The following NELL1 variants were observed in gnomAD, a reference collection of about 807,000 sequenced individuals.
NELL1 encodes neural EGFL like 1.
A neutral mutation model predicts 107.4 loss-of-function variants in NELL1; 76 were observed. The observed-to-expected ratio is 0.71, with a 90% CI of 0.59 to 0.86. NELL1 has a LOEUF of 0.86. Among genes scored for constraint, NELL1 ranks in the 40% least tolerant of loss-of-function variants. The pLI is 0.00. For missense variants in NELL1, 1,024 were observed against 1,005.5 expected (o/e 1.02, Z -0.25); for synonymous variants, 353 against 341.2 (o/e 1.03, Z -0.38).
chr11:21,057,729 C>G (rs1301007006), intron 12 of NELL1, among the ~76,000 whole-genome samples: 1 of 151,744 alleles, frequency 6.6e-6, no homozygotes, highest in East Asian at 1.9e-4. Flanking sequence ...AAAAATTATA[C>G]CAGTACTTAA....
At chr11:21,077,369 G>A (rs1854161398) in intron 12 of NELL1, among the ~76,000 whole-genome samples, 1 of 152,050 alleles carries the variant, frequency 6.6e-6, no homozygotes, top group South Asian at 2.1e-4. Flanking sequence ...AAGCCAATAA[G>A]CCATAAAAAG....
intron 16 of NELL1, among the ~76,000 whole-genome samples, chr11:21,534,924 T>C (rs1856097279): frequency 6.6e-6 from 1 of 152,328 alleles, no homozygotes; most frequent in South Asian, 2.1e-4. Context: ...TCATCTCTTA[T>C]ACTGCAAGAG....
chr11:20,852,971 A>C (rs1848819089), intron 4 of NELL1, among the ~76,000 whole-genome samples: 2 of 152,184 alleles, frequency 1.3e-5, no homozygotes, highest in African/African-American at 4.8e-5. Flanking sequence ...GGTCTGGGAG[A>C]TCACAGTAGG....
intron 5 of NELL1, among the ~76,000 whole-genome samples, chr11:20,904,874 G>A (rs374897483): frequency 2.0e-5 from 3 of 151,600 alleles, no homozygotes; most frequent in Admixed American, 1.3e-4. Context: ...TGTTGCCCAA[G>A]CTGGAGGACA....
intron 14 of NELL1, among the ~76,000 whole-genome samples, chr11:21,324,294 ATTT>A (rs1850079655): frequency 6.6e-6 from 1 of 152,050 alleles, no homozygotes; most frequent in African/African-American, 2.4e-5. Context: ...TTTTGACTCT[ATTT>A]TATTTTCCCT....
chr11:20,745,148 A>G (rs542837661), intron 2 of NELL1, among the ~76,000 whole-genome samples: 2 of 152,196 alleles, frequency 1.3e-5, no homozygotes, highest in Non-Finnish European at 2.9e-5. Context: ...TTTGAACGAC[A>G]GGATGTTATC....
At chr11:20,987,037 T>C (rs917077569) in intron 12 of NELL1, among the ~76,000 whole-genome samples, 2 of 152,190 alleles carry the variant, frequency 1.3e-5, no homozygotes, top group Admixed American at 6.5e-5. Flanking sequence ...TCTAATGCAA[T>C]TTTGCCTGGT....
intron 15 of NELL1, among the ~76,000 whole-genome samples, chr11:21,401,137 A>T (rs1852087920): frequency 6.6e-6 from 1 of 151,938 alleles, no homozygotes; most frequent in South Asian, 2.1e-4. Context: ...GTTAAAGCTG[A>T]AATACCACGT....
At chr11:20,900,683 T>C (rs1424304677) in intron 5 of NELL1, among the ~76,000 whole-genome samples, 1 of 152,180 alleles carries the variant, frequency 6.6e-6, no homozygotes, top group African/African-American at 2.4e-5. Context: ...CTTAAGCCAA[T>C]TTACTTTTGA....
chr11:20,937,458 C>T (rs7930772), intron 9 of NELL1, among the ~76,000 whole-genome samples: 18,779 of 152,246 alleles, frequency 0.12, 1,763 homozygotes, highest in African/African-American at 0.26. Flanking sequence ...CTACTGCTAA[C>T]TGTACTCCAC....
chr11:21,459,771 A>G (rs1231674427), intron 15 of NELL1, among the ~76,000 whole-genome samples: 1 of 152,230 alleles, frequency 6.6e-6, no homozygotes, highest in South Asian at 2.1e-4. Flanking sequence ...CTAAATGATG[A>G]AAATGTGAGG....
At chr11:21,417,590 A>T (rs981512224) in intron 15 of NELL1, among the ~76,000 whole-genome samples, 4 of 152,028 alleles carry the variant, frequency 2.6e-5, no homozygotes, top group African/African-American at 9.7e-5. Flanking sequence ...AATCAGAATG[A>T]TTTTACCACA....
At chr11:20,787,018 A>AAAAAAAAAG (rs1270009338) in intron 3 of NELL1, among the ~76,000 whole-genome samples, 11 of 150,120 alleles carry the variant, frequency 7.3e-5, no homozygotes, top group African/African-American at 2.7e-4. Flanking sequence ...AAAAAAAAAA[A>AAAAAAAAAG]AAAAAAAAAA....
intron 12 of NELL1, among the ~76,000 whole-genome samples, chr11:21,064,966 A>G (rs1332850342): frequency 6.6e-6 from 1 of 152,174 alleles, no homozygotes; most frequent in Non-Finnish European, 1.5e-5. Flanking sequence ...AGATGTAAAC[A>G]TATTTTTTAC....
chr11:21,123,057 C>T (rs772339181), intron 13 of NELL1, among the ~76,000 whole-genome samples: 1 of 152,102 alleles, frequency 6.6e-6, no homozygotes, highest in Non-Finnish European at 1.5e-5. Context: ...CTGACTTAAC[C>T]ATGTCCCAGA....
At chr11:21,068,466 T>C (rs1011618694) in intron 12 of NELL1, among the ~76,000 whole-genome samples, 2 of 152,206 alleles carry the variant, frequency 1.3e-5, no homozygotes, top group Admixed American at 1.3e-4. Flanking sequence ...GATAATTCTA[T>C]AAGAATTAGA....
intron 13 of NELL1, among the ~76,000 whole-genome samples, chr11:21,167,852 C>G (rs971303308): frequency 2.0e-5 from 3 of 151,696 alleles, no homozygotes; most frequent in Non-Finnish European, 4.4e-5. Context: ...TTAAAATCAC[C>G]ATTTTAATGT....
At chr11:21,286,074 C>T (rs996981732) in intron 14 of NELL1, among the ~76,000 whole-genome samples, 1 of 152,136 alleles carries the variant, frequency 6.6e-6, no homozygotes, top group Non-Finnish European at 1.5e-5. Flanking sequence ...GGATCTCTGC[C>T]TGGTTAATAG....
chr11:20,678,889 T>G (rs1409659357), intron 2 of NELL1, among the ~76,000 whole-genome samples: 2 of 152,186 alleles, frequency 1.3e-5, no homozygotes, highest in African/African-American at 4.8e-5. Context: ...ACACAGATAT[T>G]CAAATCAGCA....
Sources: gnomAD v4.1 joint callset for allele counts (sites outside exome capture counted in the v4.1 genomes callset) on GRCh38, gnomAD v4.1.1 for gene constraint, MANE v1.5 for transcripts, NCBI Gene and HGNC (gene_info 2026-07-23, HGNC 2026-07-21) for gene names.